EXD1: variants seen among roughly 807,000 people sequenced by gnomAD.
EXD1 encodes the protein piRNA biogenesis protein EXD1.
EXD1 carries 63 observed loss-of-function variants against 49.1 expected under a neutral mutation model. The ratio of observed to expected loss-of-function variants is 1.28; its 90% confidence interval spans 1.05 to 1.58. The LOEUF is 1.58. EXD1 is among the 40% of genes most tolerant of loss of function. The pLI is 0.00. For missense variants in EXD1, 748 were observed against 666.0 expected (o/e 1.12, Z -1.36); for synonymous variants, 234 against 239.2 (o/e 0.98, Z 0.20).
chr15:41,192,592 GCATTTTTTTTTTT>G (rs2046539633), intron 9 of EXD1, among the ~76,000 whole-genome samples: 1 of 86,148 alleles, frequency 1.2e-5, no homozygotes, highest in Non-Finnish European at 2.4e-5. Context: ...ACTGCGCCAG[GCATTTTTTTTTTT>G]TTTTTTTTTT....
chr15:41,195,277 C>A (rs975980778), intron 9 of EXD1, among the ~76,000 whole-genome samples: 1 of 152,126 alleles, frequency 6.6e-6, no homozygotes, highest in African/African-American at 2.4e-5. Context: ...TCTCATTTAT[C>A]TAAGGTCCCC....
chr15:41,220,181 AG>A (rs2047064649), intron 2 of EXD1, among the ~76,000 whole-genome samples: 1 of 152,098 alleles, frequency 6.6e-6, no homozygotes. Context: ...GAATATTCTA[AG>A]GCCTTTGGGG....
chr15:41,199,288 A>G (rs535234115), intron 7 of EXD1, among the ~76,000 whole-genome samples: 1 of 151,594 alleles, frequency 6.6e-6, no homozygotes, highest in East Asian at 2.0e-4. Context: ...GGGTCTCCCT[A>G]TGTTGCCAAG....
chr15:41,226,124 T>C (rs563800773), intron 2 of EXD1, among the ~76,000 whole-genome samples: 45 of 151,144 alleles, frequency 3.0e-4, no homozygotes, highest in African/African-American at 1.1e-3. Flanking sequence ...TGGTGGCGGG[T>C]GTCTGTAGTC....
intron 9 of EXD1, among the ~76,000 whole-genome samples, chr15:41,193,664 C>G (rs2046566788): frequency 6.6e-6 from 1 of 151,616 alleles, no homozygotes; most frequent in African/African-American, 2.4e-5. Flanking sequence ...GGCTTGAGCC[C>G]AGGACTTCGA....
At position 41,199,830 on chromosome 15, in the gene EXD1, A is replaced by AT. The variant is rs1466819543; in HGVS notation, c.535-3794_535-3793insA. Among the ~76,000 whole-genome samples, 286 of 116,546 alleles carry AT rather than the reference A, an allele frequency of 2.5e-3. 1 individual carries two copies. The highest frequency in any genetic ancestry group is 8.6e-3 in the African/African-American group (271 of 31,450). 76.5% of individuals were successfully genotyped at this position (116,546 alleles called of 152,430 possible). A position where few individuals can be genotyped will look rare whatever the true frequency, so the allele number is the denominator to read the frequency against. ...TATATGTCATATATAGATATATGTCAATATATGATATATATAATATGTCAT... is the reference window on the plus strand; with the variant it reads ...TATATGTCATATATAGATATATGTCATATATATGATATATATAATATGTCAT... On this transcript the variant is annotated intron_variant, in intron 7 of 11. Coordinates refer to ENST00000458580, the MANE Select transcript of EXD1 (RefSeq NM_001286441.2).
At chr15:41,225,225 C>G (rs140301830) in intron 2 of EXD1, among the ~76,000 whole-genome samples, 44 of 152,284 alleles carry the variant, frequency 2.9e-4, no homozygotes, top group African/African-American at 1.0e-3. Context: ...TGTATGAACT[C>G]AACTGCTGAA....
intron 11 of EXD1, among the ~76,000 whole-genome samples, chr15:41,187,742 C>T (rs2046436648): frequency 6.6e-6 from 1 of 152,078 alleles, no homozygotes; most frequent in South Asian, 2.1e-4. Context: ...AGGCCGGGTG[C>T]AGTGGCTCAC....
At chr15:41,227,677 A>C (rs1185358037) in intron 1 of EXD1, among the ~76,000 whole-genome samples, 1 of 77,228 alleles carries the variant, frequency 1.3e-5, no homozygotes, top group African/African-American at 1.4e-4. Context: ...CACTGTCTCA[A>C]AAAAAAAAAA....
intron 9 of EXD1, among the ~76,000 whole-genome samples, chr15:41,192,476 T>C (rs2046536266): frequency 6.6e-6 from 1 of 151,896 alleles, no homozygotes; most frequent in Non-Finnish European, 1.5e-5. Flanking sequence ...TTCATATTGT[T>C]AGTGCAGACA....
At chr15:41,217,468 C>A (rs1400567655) in intron 3 of EXD1, among the ~76,000 whole-genome samples, 1 of 151,298 alleles carries the variant, frequency 6.6e-6, no homozygotes, top group Admixed American at 6.6e-5. Flanking sequence ...CTAGAGATTT[C>A]TTTCCCACCA....
intron 7 of EXD1, among the ~76,000 whole-genome samples, chr15:41,201,981 C>A: frequency 6.6e-6 from 1 of 151,834 alleles, no homozygotes; most frequent in East Asian, 1.9e-4. Context: ...AGCAAGACCC[C>A]TGTCTGTACA....
intron 2 of EXD1, among the ~76,000 whole-genome samples, chr15:41,222,074 T>C (rs1203046413): frequency 4.0e-5 from 6 of 151,460 alleles, no homozygotes; most frequent in African/African-American, 1.2e-4. Flanking sequence ...CACTCCAGAC[T>C]GGGCGACAGA....
At chr15:41,196,965 C>T (rs964123602) in intron 7 of EXD1, among the ~76,000 whole-genome samples, 1 of 151,956 alleles carries the variant, frequency 6.6e-6, no homozygotes, top group African/African-American at 2.4e-5. Flanking sequence ...ACCTGGATTA[C>T]AGGCACCCAC....
chr15:41,188,694 G>C (rs1406468837), intron 11 of EXD1, among the ~76,000 whole-genome samples: 2 of 151,608 alleles, frequency 1.3e-5, no homozygotes, highest in Non-Finnish European at 2.9e-5. Flanking sequence ...ACCTGGCCCT[G>C]GCCCTTTTTT....
chr15:41,199,723 T>TATATATCATATATATC (rs1555414681), intron 7 of EXD1, among the ~76,000 whole-genome samples: 12,858 of 36,024 alleles, frequency 0.36, 1,478 homozygotes, highest in East Asian at 0.57. Context: ...TATGATATAT[T>TATATATCATATATATC]ATATATGATA....
chr15:41,196,251 A>C (rs1168456196), intron 7 of EXD1, among the ~76,000 whole-genome samples: 1 of 151,498 alleles, frequency 6.6e-6, no homozygotes. Context: ...AGTTCAAGCA[A>C]TTCTCCTGCC....
chr15:41,221,107 C>A (rs952389436), intron 2 of EXD1, among the ~76,000 whole-genome samples: 4 of 152,140 alleles, frequency 2.6e-5, no homozygotes, highest in Non-Finnish European at 5.9e-5. Context: ...AGCCAGGCAT[C>A]ATGCTATTTC....
intron 2 of EXD1, among the ~76,000 whole-genome samples, chr15:41,224,099 C>A (rs1024637452): frequency 9.9e-5 from 15 of 151,786 alleles, no homozygotes; most frequent in African/African-American, 3.6e-4. Flanking sequence ...GCCACCATGC[C>A]CGGCTAATTT....
Sources: allele counts gnomAD v4.1 joint callset (sites outside exome capture counted in the v4.1 genomes callset), GRCh38; gene constraint gnomAD v4.1.1; transcripts MANE v1.5; gene names NCBI Gene and HGNC (gene_info 2026-07-23, HGNC 2026-07-21).